Variants in ZNF44 observed in about 807,000 individuals in gnomAD.
The protein encoded by ZNF44 is zinc finger protein 44.
In ZNF44, 9 loss-of-function variants were observed where a neutral mutation model predicts 11.7. That is an observed-to-expected ratio of 0.77 (90% CI 0.46 to 1.35). The LOEUF (loss-of-function observed/expected upper bound fraction) is 1.35, where lower values mean the gene tolerates loss of function less well. Ranked by LOEUF, ZNF44 falls within the 40% of genes most tolerant of loss-of-function variation. ZNF44 has a pLI of 0.00. For missense variants in ZNF44, 696 were observed against 743.1 expected, an observed-to-expected ratio of 0.94 and a Z score of 0.74; for synonymous variants, 224 against 242.7, an observed-to-expected ratio of 0.92 and a Z score of 0.72.
chr19:12,250,697 A>G (rs561077080), intron 5 of ZNF44: 1 of 438,434 alleles, frequency 2.3e-6, no homozygotes, highest in South Asian at 1.6e-5. Context: ...TCTTCTTCTT[A>G]TACATCACAT....
chr19:12,243,588 T>C (rs1057116195), downstream of ZNF44, among the ~76,000 whole-genome samples: 15 of 152,208 alleles, frequency 9.9e-5, no homozygotes, highest in Non-Finnish European at 2.2e-4. Context: ...TTTGTTTCCA[T>C]ATGTTGACTA....
chr19:12,235,979 T>C (rs931620024), intron 1 of ZNF44, among the ~76,000 whole-genome samples: 1 of 152,240 alleles, frequency 6.6e-6, no homozygotes, highest in African/African-American at 2.4e-5. Flanking sequence ...CACCCGAGTT[T>C]CATGCACTTA....
chr19:12,239,127 T>A (rs940960888), upstream of ZNF44, among the ~76,000 whole-genome samples: 2 of 152,118 alleles, frequency 1.3e-5, no homozygotes, highest in African/African-American at 4.8e-5. Flanking sequence ...TAAACAGATT[T>A]TTTTAGAGGG....
chr19:12,256,645 A>G (rs1324016217), intron 5 of ZNF44, among the ~76,000 whole-genome samples: 1 of 147,146 alleles, frequency 6.8e-6, no homozygotes, highest in Non-Finnish European at 1.5e-5. Context: ...TTCTTTCAAT[A>G]TTTGTATGTC....
At chr19:12,240,783 A>G (rs534795137), upstream of ZNF44, among the ~76,000 whole-genome samples, 2 of 152,348 alleles carry the variant, frequency 1.3e-5, no homozygotes, top group South Asian at 4.1e-4. Flanking sequence ...CCTTATATAC[A>G]AAAATTAATT....
At chr19:12,237,987 T>C (rs1387695348), upstream of ZNF44, 2 of 152,156 alleles carry the variant, frequency 1.3e-5, no homozygotes, top group Admixed American at 6.5e-5. Flanking sequence ...GCCAGTACCT[T>C]TGCTGGAAGC....
chr19:12,250,123 G>A, intron 6 of ZNF44: 1 of 1,239,554 alleles, frequency 8.1e-7, no homozygotes, highest in Non-Finnish European at 1.0e-6. Flanking sequence ...ATGTGACCAT[G>A]CCTGATTTAC....
Position 12,273,022 on chromosome 19 carries a change from A to G in ZNF44, c.1233T>C (p.His411=), listed in dbSNP as rs1373024818. ...GTTTCTCTCCAGTGTGAGTCCTTTC[A>G]TGTCTTTGAAATACACTAGGAGAAT... ...AFDSPSVFQR[H]ERTHTGEKPY... Residue 411 remains histidine (H), a synonymous_variant, in exon 4 of 4, where the codon CAT becomes CAC. Coordinates refer to ENST00000355684, the MANE Select transcript of ZNF44 (RefSeq NM_016264.4). 5 of 1,614,030 alleles carry G rather than the reference A, an allele frequency of 3.1e-6. No individual in the cohort carries two copies. Among genetic ancestry groups the G allele is most frequent in the African/African-American group, 1.3e-5 (1 of 75,012 alleles).
rs750579359 is a variant in ZNF44 at position 12,273,790 on chromosome 19, G to A, written c.465C>T (p.Ser155=). Reference sequence around the variant, plus strand: ...TGTGAGGCCTTTCACATGTTTGAAAGGAGTGGCGATAACTTAAGCCTTTCC... The same window carrying A: ...TGTGAGGCCTTTCACATGTTTGAAAAGAGTGGCGATAACTTAAGCCTTTCC... ...QCGKGLSYRH[S]FQTCERPHTG... Residue 155 remains serine (S), a synonymous_variant, in exon 4 of 4, where the codon TCC becomes TCT. Coordinates refer to ENST00000355684, the MANE Select transcript of ZNF44 (RefSeq NM_016264.4). 6.2e-7 allele frequency: 1 copy of A among 1,614,144 alleles called. No individual in the cohort carries two copies. Among genetic ancestry groups the A allele is most frequent in the Non-Finnish European group, 8.5e-7 (1 of 1,180,024 alleles).
intron 1 of ZNF44, chr19:12,293,428 T>A: frequency 6.7e-7 from 1 of 1,491,754 alleles, no homozygotes. Context: ...AAGGACATAC[T>A]GAGAAGGCAT....
chr19:12,273,804 T>A lies in ZNF44; in HGVS notation c.451A>T (p.Ser151Cys). The change falls in exon 4 of 4, where the codon AGT (serine) becomes TGT (cysteine). Residue 151 changes from serine (S) to cysteine (C), a missense_variant. Physicochemically the swap from Ser to Cys is moderately radical, Grantham distance 112 (BLOSUM62 -1). Transcript: ENST00000355684. Reference sequence around the variant, plus strand: ...CATGTTTGAAAGGAGTGGCGATAACTTAAGCCTTTCCCACACTGCTTATGT... The same window carrying A: ...CATGTTTGAAAGGAGTGGCGATAACATAAGCCTTTCCCACACTGCTTATGT... ...YTHKQCGKGL[S>C]YRHSFQTCER... 6.2e-7 allele frequency: 1 copy of A among 1,614,052 alleles called. No homozygotes were observed. Among genetic ancestry groups the A allele is most frequent in the Non-Finnish European group, 8.5e-7 (1 of 1,179,990 alleles).
At chr19:12,257,798 CAAA>C (rs1221289652) in intron 5 of ZNF44, among the ~76,000 whole-genome samples, 5 of 53,658 alleles carry the variant, frequency 9.3e-5, no homozygotes, top group Admixed American at 4.6e-4. Context: ...AACTCTGTCT[CAAA>C]AAAAAAAAAA....
chr19:12,291,078 T>C (rs1368374866), intron 1 of ZNF44: 1 of 299,074 alleles, frequency 3.3e-6, no homozygotes, highest in East Asian at 1.0e-4. Flanking sequence ...CAAGTATCTA[T>C]CCATCTCAGA....
chr19:12,247,834 A>T, exon 8 of ZNF44: 1 of 1,300,700 alleles, frequency 7.7e-7, no homozygotes, highest in Admixed American at 2.3e-5. Context: ...GGAGACAAGT[A>T]AGTTTTCCCA....
intron 5 of ZNF44, among the ~76,000 whole-genome samples, chr19:12,253,510 A>C (rs1248050770): frequency 6.6e-6 from 1 of 152,156 alleles, no homozygotes. Flanking sequence ...TTCTCTAAGA[A>C]GACGTAGAGA....
intron 5 of ZNF44, among the ~76,000 whole-genome samples, chr19:12,255,759 G>A (rs546779511): frequency 6.6e-6 from 1 of 152,248 alleles, no homozygotes; most frequent in Non-Finnish European, 1.5e-5. Context: ...ACGTAGTCTG[G>A]CCGGGCACGG....
In ZNF44 at chr19:12,274,016, C is replaced by T. The variant is rs1263142135; in HGVS notation, c.239G>A (p.Cys80Tyr). The T allele has an allele frequency of 6.2e-7, 1 of 1,613,870 alleles. No individual in the cohort carries two copies. The highest frequency in any genetic ancestry group is 2.2e-5 in the East Asian group (1 of 44,874). ...RFGKSKDGSQ[C>Y]GETLSQIRNS... The stretch of plus-strand genomic sequence containing the variant: ...TCGAATCTGGCTTAAGGTTTCTCCA[C>T]ACTGACTACCATCTTTACTTTTACC... Residue 80 changes from cysteine to tyrosine, a missense_variant, in exon 4 of 4, where the codon TGT (cysteine) becomes TAT (tyrosine). By Grantham distance (194) the Cys-to-Tyr change is radical. Transcript: ENST00000355684.
intron 1 of ZNF44, among the ~76,000 whole-genome samples, chr19:12,280,214 G>C (rs1397383055): frequency 6.6e-6 from 1 of 151,992 alleles, no homozygotes; most frequent in Non-Finnish European, 1.5e-5. Flanking sequence ...GTGAGATTCT[G>C]TCTCAAAAGA....
At chr19:12,280,360 C>T (rs2145743393) in intron 1 of ZNF44, among the ~76,000 whole-genome samples, 1 of 152,206 alleles carries the variant, frequency 6.6e-6, no homozygotes, top group East Asian at 1.9e-4. Flanking sequence ...CAGCACTATT[C>T]CTGAAGCCAG....
Sources: allele counts gnomAD v4.1 joint callset (sites outside exome capture counted in the v4.1 genomes callset), GRCh38; gene constraint gnomAD v4.1.1; transcripts MANE v1.5; gene names NCBI Gene and HGNC (gene_info 2026-07-23, HGNC 2026-07-21).